Variants in ERBB4 observed in about 807,000 individuals in gnomAD.
The protein encoded by ERBB4 is receptor tyrosine-protein kinase erbB-4.
In ERBB4, 42 loss-of-function variants were observed where a neutral mutation model predicts 158.0. That is an observed-to-expected ratio of 0.27 (90% CI 0.21 to 0.34). The LOEUF (loss-of-function observed/expected upper bound fraction) is 0.34. Ranked by LOEUF, ERBB4 falls within the 10% of genes least tolerant of loss-of-function variation. ERBB4 has a pLI of 1.00. For missense variants in ERBB4, 1,333 were observed against 1,624.1 expected (o/e 0.82, Z 3.08); for synonymous variants, 583 against 558.7 (o/e 1.04, Z -0.61).
At chr2:212,160,102 CT>C (rs1372047967) in intron 1 of ERBB4, among the ~76,000 whole-genome samples, 1 of 151,940 alleles carries the variant, frequency 6.6e-6, no homozygotes, top group African/African-American at 2.4e-5. Flanking sequence ...GGCTAAACCC[CT>C]ATTCTTGATT....
At chr2:212,164,982 T>C (rs1296158950) in intron 1 of ERBB4, among the ~76,000 whole-genome samples, 1 of 151,970 alleles carries the variant, frequency 6.6e-6, no homozygotes, top group Admixed American at 6.6e-5. Context: ...TTTTTAATTG[T>C]CAAGTAACTT....
chr2:211,845,889 A>G (rs1016562002), intron 3 of ERBB4, among the ~76,000 whole-genome samples: 2 of 152,134 alleles, frequency 1.3e-5, no homozygotes, highest in Non-Finnish European at 2.9e-5. Flanking sequence ...ATCAAAAGCC[A>G]TGAGTGACAC....
chr2:212,529,926 G>A (rs919844643), intron 1 of ERBB4, among the ~76,000 whole-genome samples: 3 of 152,150 alleles, frequency 2.0e-5, no homozygotes, highest in Admixed American at 2.0e-4. Flanking sequence ...CAATAAGGAA[G>A]GCATAGTCAT....
intron 12 of ERBB4, among the ~76,000 whole-genome samples, chr2:211,684,405 T>A (rs999834668): frequency 1.3e-5 from 2 of 151,678 alleles, no homozygotes; most frequent in Non-Finnish European, 2.9e-5. Flanking sequence ...GAGCCAAGAT[T>A]GCACCATTGC....
intron 19 of ERBB4, among the ~76,000 whole-genome samples, chr2:211,597,084 G>A (rs562545326): frequency 6.6e-6 from 1 of 152,130 alleles, no homozygotes; most frequent in South Asian, 2.1e-4. Context: ...TCACTCTATC[G>A]AGCGAGTATT....
chr2:212,311,712 A>G (rs2087052997), intron 1 of ERBB4, among the ~76,000 whole-genome samples: 1 of 150,934 alleles, frequency 6.6e-6, no homozygotes, highest in Non-Finnish European at 1.5e-5. Context: ...ATATATTCAT[A>G]ACAATTTTGG....
intron 20 of ERBB4, among the ~76,000 whole-genome samples, chr2:211,487,887 T>C (rs957986542): frequency 6.6e-6 from 1 of 152,058 alleles, no homozygotes; most frequent in Non-Finnish European, 1.5e-5. Flanking sequence ...TGTTGGACAC[T>C]GAAGGCCTGA....
At chr2:212,336,081 G>T (rs992645388) in intron 1 of ERBB4, among the ~76,000 whole-genome samples, 1 of 151,864 alleles carries the variant, frequency 6.6e-6, no homozygotes, top group African/African-American at 2.4e-5. Flanking sequence ...GGGGAACTGG[G>T]GGATACATGG....
chr2:212,421,565 G>A (rs2091793364), intron 1 of ERBB4, among the ~76,000 whole-genome samples: 1 of 152,114 alleles, frequency 6.6e-6, no homozygotes, highest in Non-Finnish European at 1.5e-5. Flanking sequence ...TTGGGATATT[G>A]TCAGTAAGAA....
At chr2:212,403,630 T>A (rs938054790) in intron 1 of ERBB4, among the ~76,000 whole-genome samples, 1 of 151,908 alleles carries the variant, frequency 6.6e-6, no homozygotes, top group African/African-American at 2.4e-5. Flanking sequence ...AAGCCAGTCA[T>A]AGAAAAACAA....
intron 20 of ERBB4, among the ~76,000 whole-genome samples, chr2:211,498,251 T>G (rs1234972450): frequency 2.0e-5 from 3 of 152,136 alleles, no homozygotes. Flanking sequence ...AAGTCTTCAG[T>G]ATGCCCTCTC....
intron 5 of ERBB4, among the ~76,000 whole-genome samples, chr2:211,734,988 G>A (rs2074557799): frequency 6.7e-6 from 1 of 148,980 alleles, no homozygotes; most frequent in Non-Finnish European, 1.5e-5. Flanking sequence ...AATGTGAAGT[G>A]AAACAAAAGT....
chr2:211,924,335 A>G (rs1348580050), intron 3 of ERBB4, among the ~76,000 whole-genome samples: 1 of 152,188 alleles, frequency 6.6e-6, no homozygotes, highest in Non-Finnish European at 1.5e-5. Context: ...GGTATCCAGT[A>G]AAATTTAGAT....
intron 3 of ERBB4, among the ~76,000 whole-genome samples, chr2:211,810,672 T>TTC (rs1164093433): frequency 6.9e-6 from 1 of 145,280 alleles, no homozygotes; most frequent in East Asian, 2.0e-4. Flanking sequence ...CTTTTTTTTT[T>TTC]TTTTTTTTTT....
chr2:211,673,459 G>A (rs1209420802), intron 13 of ERBB4, among the ~76,000 whole-genome samples: 2 of 134,472 alleles, frequency 1.5e-5, no homozygotes, highest in Non-Finnish European at 3.1e-5. Flanking sequence ...CCTCCATTGA[G>A]TTCAATGTTA....
rs897612724 is a variant in ERBB4 at position 211,708,510 on chromosome 2, G to C, written c.1125-3119C>G. Among the ~76,000 whole-genome samples, 8 of 152,118 alleles carry C rather than the reference G, an allele frequency of 5.3e-5. No homozygotes were observed. The East Asian group carries it at 1.5e-3, about 29-fold the overall frequency. ...ATTAATATTTGTTGCACAACATGCTGTGCTATAAACTAGACATAGGCACTG... is the reference window on the plus strand; with the variant it reads ...ATTAATATTTGTTGCACAACATGCTCTGCTATAAACTAGACATAGGCACTG... On this transcript the variant is annotated intron_variant, in intron 9 of 27. Coordinates refer to ENST00000342788, the MANE Select transcript of ERBB4 (RefSeq NM_005235.3).
At chr2:211,429,157 T>A (rs2063698238) in intron 21 of ERBB4, among the ~76,000 whole-genome samples, 1 of 152,164 alleles carries the variant, frequency 6.6e-6, no homozygotes, top group Admixed American at 6.5e-5. Context: ...TCTAAACATC[T>A]AATACACATG....
chr2:212,403,794 C>A (rs1359612535), intron 1 of ERBB4, among the ~76,000 whole-genome samples: 3 of 151,914 alleles, frequency 2.0e-5, no homozygotes, highest in Non-Finnish European at 4.4e-5. Context: ...TGAATAAATT[C>A]TAAAGTTAAT....
intron 3 of ERBB4, among the ~76,000 whole-genome samples, chr2:211,944,198 T>TAC: frequency 5.2e-5 from 2 of 38,516 alleles, no homozygotes; most frequent in African/African-American, 2.3e-4. Context: ...TATATATATA[T>TAC]ACTATATATA....
Sources: gnomAD v4.1 joint callset for allele counts (sites outside exome capture counted in the v4.1 genomes callset) on GRCh38, gnomAD v4.1.1 for gene constraint, MANE v1.5 for transcripts, NCBI Gene and HGNC (gene_info 2026-07-23, HGNC 2026-07-21) for gene names.